The following UNC5D variants were observed in gnomAD, a reference collection of about 807,000 sequenced individuals.
UNC5D encodes netrin receptor UNC5D.
Under a neutral mutation model 105.4 loss-of-function variants are expected in UNC5D, and 39 were observed. The ratio of observed to expected loss-of-function variants is 0.37; its 90% confidence interval spans 0.29 to 0.48. The LOEUF (loss-of-function observed/expected upper bound fraction) is 0.48, where lower values mean the gene tolerates loss of function less well. UNC5D is among the 20% of genes least tolerant of loss of function. UNC5D has a pLI of 0.98. For synonymous variants in UNC5D, 452 were observed against 450.4 expected (o/e 1.00, Z -0.04); for missense variants, 991 against 1,202.4 (o/e 0.82, Z 2.60).
At chr8:35,724,047 G>A in intron 9 of UNC5D, 1 of 1,084,842 alleles carries the variant, frequency 9.2e-7, no homozygotes, top group Non-Finnish European at 1.2e-6. Context: ...GACGCTGGTT[G>A]CTTCCTCTTA....
intron 1 of UNC5D, among the ~76,000 whole-genome samples, chr8:35,514,410 C>T (rs750838957): frequency 1.3e-5 from 2 of 152,182 alleles, no homozygotes; most frequent in East Asian, 1.9e-4. Flanking sequence ...AGTGATCTAT[C>T]TCTGCATGGG....
At chr8:35,698,236 C>CTT (rs397893134) in intron 7 of UNC5D, among the ~76,000 whole-genome samples, 45 of 139,840 alleles carry the variant, frequency 3.2e-4, no homozygotes, top group African/African-American at 1.1e-3. Flanking sequence ...CACATAGCTC[C>CTT]TTTTTTTTTT....
chr8:35,740,682 G>T (rs16884367), intron 11 of UNC5D, among the ~76,000 whole-genome samples: 12,012 of 152,090 alleles, frequency 0.079, 1,325 homozygotes, highest in African/African-American at 0.25. Flanking sequence ...TCCAGGTTTG[G>T]AGAATATATC....
rs527286889 is a variant in UNC5D at position 35,548,026 on chromosome 8, A to C, written c.104-1266A>C. On this transcript the variant is annotated intron_variant, in intron 1 of 16. Coordinates refer to ENST00000404895, the MANE Select transcript of UNC5D (RefSeq NM_080872.4). ...GTAGGCCAGAAGTCTCAACCAGTCT[A>C]GTCTTTCCACATTCTTCTACTGCTT... is the stretch of plus-strand genomic sequence containing the variant. Among the ~76,000 whole-genome samples the C allele has an allele frequency of 9.8e-5, 15 of 152,312 alleles. No homozygotes were observed. The South Asian group carries it at 3.1e-3, about 32-fold the overall frequency.
intron 1 of UNC5D, among the ~76,000 whole-genome samples, chr8:35,530,215 G>C (rs1390525636): frequency 6.7e-6 from 1 of 150,264 alleles, no homozygotes; most frequent in Admixed American, 6.6e-5. Flanking sequence ...TTTGAAATAT[G>C]TCCCATCAAT....
At chr8:35,672,542 G>A (rs1239909464) in intron 4 of UNC5D, among the ~76,000 whole-genome samples, 1 of 152,070 alleles carries the variant, frequency 6.6e-6, no homozygotes. Context: ...TTTGCAGATG[G>A]GAAAAAGCAA....
rs781317761 is a variant in UNC5D, at chr8:35,722,188, C to A, written c.1118-22C>A. On this transcript the variant is annotated intron_variant, in intron 8 of 16. Coordinates refer to ENST00000404895, the MANE Select transcript of UNC5D (RefSeq NM_080872.4). Reference sequence around the variant, plus strand: ...ACTTTGTGCCCATGCTGGTCACTTACAATTTCTCTTGTGTCTTTCAGGCAT... The same window carrying A: ...ACTTTGTGCCCATGCTGGTCACTTAAAATTTCTCTTGTGTCTTTCAGGCAT... 52 of 1,607,968 alleles carry A rather than the reference C, an allele frequency of 3.2e-5. 2 individuals are homozygous for A. In the South Asian group the frequency reaches 3.7e-4, roughly 11 times the overall value.
intron 1 of UNC5D, among the ~76,000 whole-genome samples, chr8:35,424,832 C>T (rs565027357): frequency 1.3e-5 from 2 of 152,198 alleles, no homozygotes; most frequent in African/African-American, 4.8e-5. Context: ...CAGTATGTAA[C>T]GTATTTATAG....
intron 1 of UNC5D, among the ~76,000 whole-genome samples, chr8:35,503,726 G>C (rs191540356): frequency 1.3e-5 from 2 of 152,338 alleles, no homozygotes; most frequent in East Asian, 1.9e-4. Context: ...TAGAAAGGGA[G>C]TTAGAATTTT....
intron 4 of UNC5D, among the ~76,000 whole-genome samples, chr8:35,597,233 A>G (rs574426889): frequency 9.3e-4 from 142 of 152,348 alleles, no homozygotes; most frequent in African/African-American, 3.1e-3. Flanking sequence ...CTTGAAAATT[A>G]AAGTGAACAC....
intron 8 of UNC5D, among the ~76,000 whole-genome samples, chr8:35,717,369 A>C (rs925649941): frequency 6.6e-6 from 1 of 152,178 alleles, no homozygotes; most frequent in Admixed American, 6.5e-5. Flanking sequence ...GAGGGGAGTT[A>C]TGTAAAGAAA....
intron 13 of UNC5D, among the ~76,000 whole-genome samples, chr8:35,751,084 C>T (rs6468333): frequency 0.1 from 15,804 of 152,040 alleles, 2,382 homozygotes; most frequent in African/African-American, 0.33. Context: ...TTAAGGATCA[C>T]TGTTTTGAAG....
rs1367723319 is a variant in UNC5D at position 35,750,607 on chromosome 8, C to T, written c.1961C>T (p.Ser654Phe). The change falls in exon 13 of 17, where the codon TCT (serine) becomes TTT (phenylalanine). Residue 654 changes from serine to phenylalanine, a missense_variant. Physicochemically the swap from Ser to Phe is radical, Grantham distance 155. Around this residue, in one of 3 missense-constraint regions of UNC5D, gnomAD observed 944 missense variants for 1,131.6 expected, o/e 0.83. Coordinates refer to ENST00000404895, the MANE Select transcript of UNC5D (RefSeq NM_080872.4). The stretch of plus-strand genomic sequence containing the variant: ...GAAGTGATGTCAGTGGAAGATGAAT[C>T]TACATCCTGTTACTGCCTTTTGGAC... ...WEEVMSVEDESTSCYCLLDPF... is the reference protein window; with the variant it reads ...WEEVMSVEDEFTSCYCLLDPF... 1 of 1,614,134 alleles carries T rather than the reference C, an allele frequency of 6.2e-7. No individual in the cohort carries two copies. The highest frequency in any genetic ancestry group is 1.1e-5 in the South Asian group (1 of 91,076).
chr8:35,645,720 A>C (rs1823004727), intron 4 of UNC5D, among the ~76,000 whole-genome samples: 1 of 152,114 alleles, frequency 6.6e-6, no homozygotes, highest in Non-Finnish European at 1.5e-5. Flanking sequence ...TTTTCAGAGA[A>C]TATAAAATGG....
chr8:35,528,973 G>A (rs1586056336), intron 1 of UNC5D, among the ~76,000 whole-genome samples: 2 of 79,278 alleles, frequency 2.5e-5, no homozygotes, highest in Admixed American at 3.1e-4. Context: ...AGTAGGTTGC[G>A]AAAATTTTCT....
intron 1 of UNC5D, among the ~76,000 whole-genome samples, chr8:35,411,411 A>G (rs72634905): frequency 0.012 from 1,895 of 152,040 alleles, 21 homozygotes; most frequent in Non-Finnish European, 0.019. Flanking sequence ...CACCATTCCT[A>G]ATTTGAGAGT....
intron 1 of UNC5D, among the ~76,000 whole-genome samples, chr8:35,547,592 G>T (rs1458058805): frequency 6.6e-6 from 1 of 152,128 alleles, no homozygotes; most frequent in Non-Finnish European, 1.5e-5. Flanking sequence ...AGCCACCGCG[G>T]CCAGTCAGAA....
intron 1 of UNC5D, among the ~76,000 whole-genome samples, chr8:35,369,170 T>C (rs2128923760): frequency 6.6e-6 from 1 of 152,310 alleles, no homozygotes; most frequent in African/African-American, 2.4e-5. Context: ...GTGGTGAGTA[T>C]ACTGTAATTA....
intron 1 of UNC5D, among the ~76,000 whole-genome samples, chr8:35,291,032 T>C (rs946408040): frequency 2.0e-5 from 3 of 151,568 alleles, no homozygotes; most frequent in African/African-American, 7.3e-5. Context: ...CTTTTGGCTA[T>C]CCTTGTGGGA....
Sources: gnomAD v4.1 joint callset for allele counts (sites outside exome capture counted in the v4.1 genomes callset) on GRCh38, gnomAD v4.1.1 for gene constraint, gnomAD v4.1.1 regional missense constraint, MANE v1.5 for transcripts, NCBI Gene and HGNC (gene_info 2026-07-23, HGNC 2026-07-21) for gene names.